REEP1: variants seen among roughly 807,000 people sequenced by gnomAD.
REEP1 encodes the protein receptor expression-enhancing protein 1.
Under a neutral mutation model 40.3 loss-of-function variants are expected in REEP1, and 22 were observed. That is an observed-to-expected ratio of 0.55 (90% CI 0.39 to 0.78). The LOEUF (loss-of-function observed/expected upper bound fraction) is 0.78, where lower values mean the gene tolerates loss of function less well. REEP1 is among the 30% of genes least tolerant of loss of function. The pLI is 0.00. For missense variants in REEP1, 280 were observed against 361.1 expected, an observed-to-expected ratio of 0.78 and a Z score of 1.82; for synonymous variants, 116 against 139.2, an observed-to-expected ratio of 0.83 and a Z score of 1.17.
At chr2:86,303,782 G>A (rs1256399101) in intron 1 of REEP1, among the ~76,000 whole-genome samples, 2 of 152,190 alleles carry the variant, frequency 1.3e-5, no homozygotes, top group South Asian at 2.1e-4. Context: ...GGCATTTCAG[G>A]AGGGGAGAAC....
intron 1 of REEP1, among the ~76,000 whole-genome samples, chr2:86,306,924 G>A (rs1411178121): frequency 1.3e-5 from 2 of 152,036 alleles, no homozygotes; most frequent in Non-Finnish European, 2.9e-5. Context: ...GCCACACCTG[G>A]CCAGGCACAG....
chr2:86,337,890 T>C (rs1681129705), upstream of REEP1: 1 of 941,324 alleles, frequency 1.1e-6, no homozygotes. The surrounding 1 kb of genome is among the most constrained non-coding windows in gnomAD (Gnocchi z 5.8). Context: ...GGGACCCGGG[T>C]GCTGCCCCAC....
intron 6 of REEP1, among the ~76,000 whole-genome samples, chr2:86,230,859 G>T (rs1674972984): frequency 6.6e-6 from 1 of 152,174 alleles, no homozygotes; most frequent in Non-Finnish European, 1.5e-5. Flanking sequence ...ACTGGTTCTT[G>T]CTCTCTGCCC....
chr2:86,236,482 A>G (rs554799425), intron 5 of REEP1, among the ~76,000 whole-genome samples: 2 of 152,262 alleles, frequency 1.3e-5, no homozygotes, highest in Admixed American at 1.3e-4. Flanking sequence ...TTAATACCAT[A>G]TTCCCCATAA....
intron 1 of REEP1, 33 bp from the exon 2 acceptor site, chr2:86,282,275 T>C (rs745513345): frequency 1.1e-4 from 164 of 1,454,424 alleles, no homozygotes; most frequent in Non-Finnish European, 1.5e-4. Context: ...TAAATACGAT[T>C]TTTCATTTAT....
intron 1 of REEP1, among the ~76,000 whole-genome samples, chr2:86,291,703 A>G (rs924880920): frequency 6.6e-6 from 1 of 152,046 alleles, no homozygotes; most frequent in Non-Finnish European, 1.5e-5. Context: ...CTCCTATCCA[A>G]CAAGACGCAA....
intron 6 of REEP1, among the ~76,000 whole-genome samples, chr2:86,227,617 A>G (rs185755060): frequency 3.9e-5 from 6 of 152,298 alleles, no homozygotes; most frequent in Non-Finnish European, 4.4e-5. Flanking sequence ...CTGGCACACA[A>G]AGTCAGTCCT....
chr2:86,317,413 A>G (rs962223345), intron 1 of REEP1, among the ~76,000 whole-genome samples: 3 of 152,210 alleles, frequency 2.0e-5, no homozygotes, highest in Non-Finnish European at 2.9e-5. Context: ...GATTCTCTGT[A>G]TCATCTACAG....
chr2:86,227,614 A>G (rs1257929696), intron 6 of REEP1, among the ~76,000 whole-genome samples: 1 of 152,214 alleles, frequency 6.6e-6, no homozygotes, highest in African/African-American at 2.4e-5. Context: ...CACCTGGCAC[A>G]CAAAGTCAGT....
At chr2:86,217,135 C>A in intron 8 of REEP1, 25 bp from the exon 9 acceptor site, 1 of 1,601,410 alleles carries the variant, frequency 6.2e-7, no homozygotes, top group South Asian at 1.1e-5. Flanking sequence ...AGAAAGGTGT[C>A]CCTCAGTTTG....
At position 86,264,053 on chromosome 2, in the gene REEP1, G is replaced by C. The variant is rs781321099; in HGVS notation, c.106-12C>G. ...ATCATCCATTTGACCTGTTGAAACAGAAAGCAACACAGCTGGTAGAAAAGG... is the reference window on the plus strand; with the variant it reads ...ATCATCCATTTGACCTGTTGAAACACAAAGCAACACAGCTGGTAGAAAAGG... On this transcript the variant is annotated splice_polypyrimidine_tract_variant and intron_variant, in intron 2 of 8. Transcript: ENST00000538924. 1.3e-4 allele frequency: 209 copies of C among 1,605,804 alleles called. 2 individuals carry two copies. The South Asian group carries it at 2.2e-3, about 17-fold the overall frequency.
intron 2 of REEP1, among the ~76,000 whole-genome samples, chr2:86,264,971 G>A (rs1159773427): frequency 1.3e-5 from 2 of 152,144 alleles, no homozygotes; most frequent in Non-Finnish European, 2.9e-5. Context: ...CAAAGAAAAG[G>A]AGAATGCAGT....
At chr2:86,240,140 T>A (rs958394645) in intron 5 of REEP1, 1 of 152,582 alleles carries the variant, frequency 6.6e-6, no homozygotes, top group Non-Finnish European at 1.5e-5. Flanking sequence ...AAGGGAGCCA[T>A]GTCCTCACCT....
At chr2:86,292,091 T>C (rs1171955290) in intron 1 of REEP1, among the ~76,000 whole-genome samples, 1 of 152,220 alleles carries the variant, frequency 6.6e-6, no homozygotes, top group African/African-American at 2.4e-5. Flanking sequence ...GGCTGGGCTT[T>C]GACTTCAGAC....
At position 86,263,978 on chromosome 2, in the gene REEP1, T is replaced by C; in HGVS notation, c.169A>G (p.Ile57Val). 6.2e-7 allele frequency: 1 copy of C among 1,612,366 alleles called. No individual in the cohort carries two copies. Among genetic ancestry groups the C allele is most frequent in the Non-Finnish European group, 8.5e-7 (1 of 1,178,368 alleles). ...LFTTAETFTD[I>V]FLCWFPFYYE... ...TGGAGTACTTACCAACAAAGGAAGATGTCTGTGAATGTCTCTGCTGTGGTG... is the reference window on the plus strand; with the variant it reads ...TGGAGTACTTACCAACAAAGGAAGACGTCTGTGAATGTCTCTGCTGTGGTG... The change falls in exon 3 of 9, where the codon ATC (isoleucine) becomes GTC (valine). Residue 57 changes from isoleucine to valine, a missense_variant. Around this residue, in one of 3 missense-constraint regions of REEP1, gnomAD observed 68 missense variants for 83.7 expected, o/e 0.81. Transcript: ENST00000538924.
At chr2:86,266,489 G>A (rs906172988) in intron 2 of REEP1, among the ~76,000 whole-genome samples, 5 of 150,976 alleles carry the variant, frequency 3.3e-5, no homozygotes, top group East Asian at 2.0e-4. Flanking sequence ...CGCGGTGGCC[G>A]GCGCCTGTAG....
Position 86,240,325 on chromosome 2 carries a change from G to A in REEP1, c.418-7523C>T, listed in dbSNP as rs115665240. Among the ~76,000 whole-genome samples, 580 of 152,350 alleles carry A rather than the reference G, an allele frequency of 3.8e-3. 4 individuals carry two copies. The highest frequency in any genetic ancestry group is 5.6e-3 in the Non-Finnish European group (379 of 68,034). ...CTAGTTGGGGCATCAAGACACAAAA[G>A]TGCATGCCAGGCCACAAGTGACAAA... On this transcript the variant is annotated intron_variant, in intron 5 of 8. Transcript: ENST00000538924.
chr2:86,281,251 T>C (rs1490318838), intron 2 of REEP1, among the ~76,000 whole-genome samples: 1 of 152,118 alleles, frequency 6.6e-6, no homozygotes, highest in Non-Finnish European at 1.5e-5. Context: ...ACCCAGATCA[T>C]CCAACAGTAA....
At position 86,231,752 on chromosome 2, in the gene REEP1, C is replaced by T. The variant is rs184461763; in HGVS notation, c.595+873G>A. ...CAGCTGCTGTGCTCAGCCCCTGAGACCCAAGGCCCCTGGCATCCTCCCAAG... is the reference window on the plus strand; with the variant it reads ...CAGCTGCTGTGCTCAGCCCCTGAGATCCAAGGCCCCTGGCATCCTCCCAAG... On this transcript the variant is annotated intron_variant, in intron 6 of 8. Transcript: ENST00000538924. Among the ~76,000 whole-genome samples the T allele has an allele frequency of 1.3e-4, 20 of 152,208 alleles. 1 individual carries two copies. Among genetic ancestry groups the T allele is most frequent in the Admixed American group, 1.2e-3 (19 of 15,298 alleles).
Sources: allele counts gnomAD v4.1 joint callset (sites outside exome capture counted in the v4.1 genomes callset), GRCh38; gene constraint gnomAD v4.1.1; regional missense constraint gnomAD v4.1.1; non-coding constraint Gnocchi (gnomAD v3.1); transcripts MANE v1.5; gene names NCBI Gene and HGNC (gene_info 2026-07-23, HGNC 2026-07-21).